The following TBC1D2B variants were observed in gnomAD, a reference collection of about 807,000 sequenced individuals.
TBC1D2B encodes the protein TBC1 domain family member 2B.
Under a neutral mutation model 100.8 loss-of-function variants are expected in TBC1D2B, and 64 were observed. The observed-to-expected ratio is 0.64, with a 90% CI of 0.52 to 0.78. The LOEUF is 0.78. Among genes scored for constraint, TBC1D2B ranks in the 30% least tolerant of loss-of-function variants. The probability of loss-of-function intolerance (pLI) is 0.00; values close to 1 mark genes in which losing one functional copy is unlikely to be tolerated. For missense variants in TBC1D2B, 1,052 were observed against 1,218.4 expected (o/e 0.86, Z 2.03); for synonymous variants, 480 against 479.7 (o/e 1.00, Z -0.01).
Position 78,066,382 on chromosome 15 carries a change from TTTC to T in TBC1D2B, c.360+10908_360+10910del, listed in dbSNP as rs573843444. 1.9e-3 allele frequency among the ~76,000 whole-genome samples: 292 copies of T among 152,314 alleles called. 1 individual carries two copies. Among genetic ancestry groups the T allele is most frequent in the Middle Eastern group, 0.01 (3 of 294 alleles). ...AGCCACCATCATACAGGGTCAGTCT[TTTC>T]TTCACAGCCAAAGAGAACATTCATC... On this transcript the variant is annotated intron_variant, in intron 1 of 12. Transcript: ENST00000300584.
intron 4 of TBC1D2B, among the ~76,000 whole-genome samples, chr15:78,025,916 G>C (rs763428773): frequency 2.0e-5 from 3 of 151,612 alleles, no homozygotes; most frequent in African/African-American, 7.3e-5. Flanking sequence ...AGGGAGTTTG[G>C]CATTCACCAC....
At chr15:78,027,052 A>G (rs1266388909) in intron 4 of TBC1D2B, among the ~76,000 whole-genome samples, 1 of 152,152 alleles carries the variant, frequency 6.6e-6, no homozygotes, top group Non-Finnish European at 1.5e-5. Flanking sequence ...CTCCATCACT[A>G]AAAAAGAAAA....
intron 3 of TBC1D2B, among the ~76,000 whole-genome samples, chr15:78,040,436 C>G (rs1030053535): frequency 2.0e-5 from 3 of 152,004 alleles, no homozygotes; most frequent in African/African-American, 7.3e-5. Flanking sequence ...AAATTTCCAG[C>G]TACTCGGGGG....
intron 1 of TBC1D2B, among the ~76,000 whole-genome samples, chr15:78,068,381 A>ACC (rs1026875065): frequency 7.7e-6 from 1 of 130,422 alleles, no homozygotes; most frequent in African/African-American, 2.8e-5. Flanking sequence ...CACACACCAC[A>ACC]CCCACACACA....
intron 7 of TBC1D2B, chr15:78,017,010 G>A (rs1262784354): frequency 3.1e-6 from 1 of 323,532 alleles, no homozygotes; most frequent in East Asian, 6.8e-5. Context: ...CAGAGGTGGA[G>A]AGAGCAGCAG....
intron 8 of TBC1D2B, among the ~76,000 whole-genome samples, chr15:78,015,292 T>TTGGCAA (rs2072343099): frequency 6.6e-6 from 1 of 152,138 alleles, no homozygotes; most frequent in Non-Finnish European, 1.5e-5. Flanking sequence ...AATGAAACTA[T>TTGGCAA]ATTGGCAAAA....
In TBC1D2B at chr15:78,003,489, A is replaced by C. The variant is rs761047353; in HGVS notation, c.2390T>G (p.Val797Gly). The C allele has an allele frequency of 6.2e-7, 1 of 1,605,010 alleles. No homozygotes were observed. Among genetic ancestry groups the C allele is most frequent in the South Asian group, 1.1e-5 (1 of 90,922 alleles). ...YYTKTLLGSQ[V>G]DQRVFRDLMS... ...AAGGTCTCTGAACACCCGCTGGTCC[A>C]CCTGGAGAGGGAACAAAGGGGAGAA... Residue 797 changes from valine (V) to glycine (G), a missense_variant and splice_region_variant, in exon 11 of 13, where the codon GTG (valine) becomes GGG (glycine). This residue lies in a region of TBC1D2B where 373 missense variants were observed against 464.9 expected (regional missense o/e 0.80). Coordinates refer to ENST00000300584, the MANE Select transcript of TBC1D2B (RefSeq NM_144572.2).
chr15:78,027,839 C>A (rs2072710872), intron 4 of TBC1D2B, among the ~76,000 whole-genome samples: 1 of 152,182 alleles, frequency 6.6e-6, no homozygotes, highest in African/African-American at 2.4e-5. Context: ...CGTACTGAGC[C>A]CCTCTTCTGG....
intron 9 of TBC1D2B, among the ~76,000 whole-genome samples, chr15:78,012,251 T>C (rs1256149500): frequency 1.3e-5 from 2 of 152,214 alleles, no homozygotes; most frequent in Non-Finnish European, 2.9e-5. Flanking sequence ...CCTGAGGTCT[T>C]GTCCCATCCC....
At chr15:78,054,363 A>G (rs1013814091) in intron 1 of TBC1D2B, among the ~76,000 whole-genome samples, 176 bp from the exon 2 acceptor site, 1 of 152,248 alleles carries the variant, frequency 6.6e-6, no homozygotes, top group African/African-American at 2.4e-5. Context: ...TGGTCAAGCA[A>G]ATAGCAATTG....
rs779563838 is a variant in TBC1D2B, at chr15:78,013,247, G to A, written c.1846C>T (p.Arg616Cys). Residue 616 changes from arginine to cysteine, a missense_variant, in exon 9 of 13, where the codon CGC becomes TGC. Arg to Cys is a radical substitution (Grantham distance 180). This residue lies in a region of TBC1D2B where 373 missense variants were observed against 464.9 expected (regional missense o/e 0.80). Coordinates refer to ENST00000300584, the MANE Select transcript of TBC1D2B (RefSeq NM_144572.2). Reference sequence around the variant, plus strand: ...TAGAGAGTCTTCAGATCCAACGCGCGGACCTTGGCAACCAATTTCTCTTCC... The same window carrying A: ...TAGAGAGTCTTCAGATCCAACGCGCAGACCTTGGCAACCAATTTCTCTTCC... ...DEEEKLVAKV[R>C]ALDLKTLYLT... 15 of 1,613,806 alleles carry A rather than the reference G, an allele frequency of 9.3e-6. No homozygotes were observed. Among genetic ancestry groups the A allele is most frequent in the East Asian group, 2.2e-5 (1 of 44,898 alleles).
intron 4 of TBC1D2B, among the ~76,000 whole-genome samples, chr15:78,028,468 C>T (rs953343933): frequency 2.6e-5 from 4 of 152,164 alleles, no homozygotes; most frequent in Non-Finnish European, 4.4e-5. Context: ...GAGACTCCGT[C>T]TCAATAAATA....
intron 5 of TBC1D2B, 87 bp from the exon 6 acceptor site, chr15:78,024,626 C>T (rs878873092): frequency 5.6e-6 from 7 of 1,248,380 alleles, no homozygotes; most frequent in Non-Finnish European, 7.6e-6. Context: ...ATGGAGTAAT[C>T]GACAGAGTTT....
intron 4 of TBC1D2B, among the ~76,000 whole-genome samples, chr15:78,027,312 C>A (rs752181269): frequency 1.1e-4 from 17 of 152,266 alleles, no homozygotes; most frequent in African/African-American, 4.1e-4. Flanking sequence ...GAAGTGAGTG[C>A]TGGTTTCATG....
At chr15:78,006,170 G>A (rs2072062251) in intron 10 of TBC1D2B, among the ~76,000 whole-genome samples, 1 of 152,120 alleles carries the variant, frequency 6.6e-6, no homozygotes, top group Non-Finnish European at 1.5e-5. Context: ...CCTAACCAAT[G>A]TGCTTGACCA....
chr15:78,019,529 T>C (rs778014852), intron 6 of TBC1D2B, among the ~76,000 whole-genome samples: 7 of 152,168 alleles, frequency 4.6e-5, no homozygotes, highest in Non-Finnish European at 5.9e-5. Context: ...ATGTTGAATG[T>C]TGGACTTCCT....
At chr15:78,042,349 G>A (rs914084229) in intron 3 of TBC1D2B, among the ~76,000 whole-genome samples, 1 of 152,200 alleles carries the variant, frequency 6.6e-6, no homozygotes, top group Non-Finnish European at 1.5e-5. Flanking sequence ...TGATGAAAGG[G>A]GGAAGGAGCA....
chr15:78,064,100 A>C (rs571100936), intron 1 of TBC1D2B, among the ~76,000 whole-genome samples: 37 of 152,218 alleles, frequency 2.4e-4, no homozygotes, highest in African/African-American at 8.7e-4. Flanking sequence ...CCTTTCTCCC[A>C]CACAAAAGGC....
intron 3 of TBC1D2B, chr15:78,034,388 G>T: frequency 1.6e-6 from 1 of 640,598 alleles, no homozygotes; most frequent in Non-Finnish European, 1.9e-6. Context: ...CAGTGGCCCT[G>T]CCTACAGCAA....
Sources: allele counts gnomAD v4.1 joint callset (sites outside exome capture counted in the v4.1 genomes callset), GRCh38; gene constraint gnomAD v4.1.1; regional missense constraint gnomAD v4.1.1; transcripts MANE v1.5; gene names NCBI Gene and HGNC (gene_info 2026-07-23, HGNC 2026-07-21).